RIOK1: variants seen among roughly 807,000 people sequenced by gnomAD.
The protein encoded by RIOK1 is RIO kinase 1.
RIOK1 carries 66 observed loss-of-function variants against 73.5 expected under a neutral mutation model. That is an observed-to-expected ratio of 0.90 (90% CI 0.74 to 1.10). The LOEUF (loss-of-function observed/expected upper bound fraction) is 1.10, where lower values mean the gene tolerates loss of function less well. Among genes scored for constraint, RIOK1 ranks in the 50% least tolerant of loss-of-function variants. The probability of loss-of-function intolerance (pLI) is 0.00; values close to 1 mark genes in which losing one functional copy is unlikely to be tolerated. For synonymous variants in RIOK1, 224 were observed against 226.8 expected (o/e 0.99, Z 0.11); for missense variants, 658 against 699.8 (o/e 0.94, Z 0.67).
At chr6:7,414,199 G>T in intron 15 of RIOK1, 39 bp from the exon 16 acceptor site, 1 of 1,563,598 alleles carries the variant, frequency 6.4e-7, no homozygotes, top group Non-Finnish European at 8.6e-7. Context: ...CTTGGTTTGT[G>T]TGTTGTTTAG....
chr6:7,404,039 G>A lies in RIOK1; in HGVS notation c.854+12G>A. On this transcript the variant is annotated intron_variant, in intron 9 of 16. Transcript: ENST00000379834. ...GGTAAAGATGACATGTAAGTACATGGAAGGGCTAATAATTGCATTCTCAGA... is the reference window on the plus strand; with the variant it reads ...GGTAAAGATGACATGTAAGTACATGAAAGGGCTAATAATTGCATTCTCAGA... The A allele has an allele frequency of 6.4e-7, 1 of 1,553,878 alleles. No homozygotes were observed. The highest frequency in any genetic ancestry group is 8.9e-7 in the Non-Finnish European group (1 of 1,126,374).
At chr6:7,407,314 C>G (rs145124715) in intron 12 of RIOK1, among the ~76,000 whole-genome samples, 1 of 152,298 alleles carries the variant, frequency 6.6e-6, no homozygotes, top group African/African-American at 2.4e-5. Flanking sequence ...TCTCCATACC[C>G]TCACCAACAC....
At chr6:7,398,864 T>G (rs533636159) in intron 5 of RIOK1, 124 bp downstream of exon 5, 3 of 708,100 alleles carry the variant, frequency 4.2e-6, no homozygotes, top group Non-Finnish European at 6.9e-6. Context: ...CTATATAAAA[T>G]TATTCCTTTT....
chr6:7,406,833 G>T (rs1284372457), intron 12 of RIOK1, among the ~76,000 whole-genome samples: 2 of 151,956 alleles, frequency 1.3e-5, no homozygotes, highest in Non-Finnish European at 2.9e-5. Flanking sequence ...GCTAATTTGG[G>T]TATTTTTTGG....
intron 1 of RIOK1, chr6:7,392,831 A>G (rs1761374126): frequency 1.6e-6 from 1 of 606,674 alleles, no homozygotes; most frequent in Non-Finnish European, 2.1e-6. Context: ...TATAATTTCT[A>G]ACTTTAACAA....
chr6:7,394,160 G>C (rs1761412124), intron 2 of RIOK1, among the ~76,000 whole-genome samples: 1 of 152,170 alleles, frequency 6.6e-6, no homozygotes, highest in Non-Finnish European at 1.5e-5. Flanking sequence ...TCGGCTGGGC[G>C]CAGTGGCTCC....
intron 1 of RIOK1, 69 bp downstream of exon 1, chr6:7,390,142 C>G: frequency 3.0e-6 from 4 of 1,314,944 alleles, no homozygotes; most frequent in Non-Finnish European, 4.2e-6. Context: ...GGGGTGTGGA[C>G]TCTTGTTTGC....
chr6:7,397,849 A>G (rs1761511109), intron 4 of RIOK1, among the ~76,000 whole-genome samples: 2 of 152,320 alleles, frequency 1.3e-5, no homozygotes, highest in East Asian at 1.9e-4. Context: ...AACGATTTTA[A>G]AAAACAAAAC....
chr6:7,396,768 G>A lies in RIOK1; in HGVS notation c.433G>A (p.Asp145Asn), dbSNP rs755827526. ...VTEKSRQKEADMYRIKDKADR... is the reference protein window; with the variant it reads ...VTEKSRQKEANMYRIKDKADR... Reference sequence around the variant, plus strand: ...CGAAAAGTCTAGACAAAAGGAAGCAGATATGTAAGTAATATTTTAATAATA... The same window carrying A: ...CGAAAAGTCTAGACAAAAGGAAGCAAATATGTAAGTAATATTTTAATAATA... The change falls in exon 4 of 17, where the codon GAT becomes AAT. Residue 145 changes from aspartate to asparagine, a missense_variant. Transcript: ENST00000379834. 6.5e-7 allele frequency: 1 copy of A among 1,547,588 alleles called. No individual in the cohort carries two copies. The highest frequency in any genetic ancestry group is 1.7e-5 in the Admixed American group (1 of 59,442).
Position 7,402,589 on chromosome 6 carries a change from T to C in RIOK1, c.574-14T>C, listed in dbSNP as rs756106957. ...ACATAAACTTCATTTTCTTTTTTTT[T>C]TGACTTAATATAGGCTAATGTATAC... is the stretch of plus-strand genomic sequence containing the variant. On this transcript the variant is annotated splice_polypyrimidine_tract_variant and intron_variant, in intron 6 of 16. Transcript: ENST00000379834. 3.7e-4 allele frequency: 569 copies of C among 1,551,884 alleles called. 1 individual carries two copies. The highest frequency in any genetic ancestry group is 4.7e-4 in the Non-Finnish European group (538 of 1,153,282).
intron 11 of RIOK1, 100 bp downstream of exon 11, chr6:7,405,121 T>A (rs945165734): frequency 2.7e-6 from 3 of 1,123,654 alleles, no homozygotes; most frequent in Non-Finnish European, 4.0e-6. Context: ...AATTGTTTGG[T>A]GCAGTGATGC....
At chr6:7,402,500 A>G in intron 6 of RIOK1, 103 bp from the exon 7 acceptor site, 1 of 733,542 alleles carries the variant, frequency 1.4e-6, no homozygotes, top group Non-Finnish European at 2.2e-6. Flanking sequence ...TTCCTTATGC[A>G]TGTTATTTCA....
Position 7,404,915 on chromosome 6 carries a change from T to C in RIOK1, c.993-3T>C. ...CCACAGCTTCTGTGTCTCTGGCCCA[T>C]AGGTACCACGGTGGAGGCGTGTATA... On this transcript the variant is annotated splice_region_variant and splice_polypyrimidine_tract_variant and intron_variant, in intron 10 of 16. Coordinates refer to ENST00000379834, the MANE Select transcript of RIOK1 (RefSeq NM_031480.3). 1 of 1,611,672 alleles carries C rather than the reference T, an allele frequency of 6.2e-7. No individual in the cohort carries two copies. The highest frequency in any genetic ancestry group is 8.5e-7 in the Non-Finnish European group (1 of 1,177,878).
chr6:7,415,938 A>T (rs765536948), intron 16 of RIOK1, among the ~76,000 whole-genome samples: 2 of 152,218 alleles, frequency 1.3e-5, no homozygotes, highest in Admixed American at 1.3e-4. Flanking sequence ...TATAAATTAA[A>T]CCTCATCATA....
intron 12 of RIOK1, among the ~76,000 whole-genome samples, chr6:7,407,785 T>C (rs1761785072): frequency 6.6e-6 from 1 of 152,154 alleles, no homozygotes; most frequent in African/African-American, 2.4e-5. Context: ...TGAGCCACAG[T>C]GTCCAGCCCC....
chr6:7,409,213 TTGTGTGTGTGTGTGTGTGTGTGTGTG>T (rs58234662), intron 12 of RIOK1, among the ~76,000 whole-genome samples: 9 of 88,176 alleles, frequency 1.0e-4, no homozygotes, highest in African/African-American at 1.8e-4. Context: ...TCCCGACTAA[TTGTGTGTGTGTGTGTGTGTGTGTGTG>T]TGTGTGTGTG....
In RIOK1 at chr6:7,396,752, T is replaced by A; in HGVS notation, c.417T>A (p.Ser139=). Residue 139 remains serine, a synonymous_variant, in exon 4 of 17, where the codon TCT becomes TCA. Transcript: ENST00000379834. ...TCATAAATAAAGTCACCGAAAAGTC[T>A]AGACAAAAGGAAGCAGATATGTAAG... ...DSVINKVTEK[S]RQKEADMYRI... The A allele has an allele frequency of 6.3e-7, 1 of 1,595,832 alleles. No homozygotes were observed. Among genetic ancestry groups the A allele is most frequent in the Non-Finnish European group, 8.6e-7 (1 of 1,164,700 alleles).
intron 8 of RIOK1, among the ~76,000 whole-genome samples, chr6:7,403,674 A>T (rs557212975): frequency 6.6e-6 from 1 of 150,972 alleles, no homozygotes; most frequent in Non-Finnish European, 1.5e-5. Flanking sequence ...TAAGATGCAC[A>T]TTTTTTTCAG....
chr6:7,400,855 C>CT, intron 5 of RIOK1, 103 bp from the exon 6 acceptor site: 1 of 664,514 alleles, frequency 1.5e-6, no homozygotes, highest in South Asian at 1.8e-5. Flanking sequence ...ACCAGGATAG[C>CT]GTCGTACAGT....
Sources: gnomAD v4.1 joint callset for allele counts (sites outside exome capture counted in the v4.1 genomes callset) on GRCh38, gnomAD v4.1.1 for gene constraint, MANE v1.5 for transcripts, NCBI Gene and HGNC (gene_info 2026-07-23, HGNC 2026-07-21) for gene names.